Variants in ABCB5 observed in about 807,000 individuals in gnomAD.
ABCB5 encodes ATP-binding cassette sub-family B member 5.
In ABCB5, 155 loss-of-function variants were observed where a neutral mutation model predicts 144.2. That is an observed-to-expected ratio of 1.08 (90% CI 0.94 to 1.23). The LOEUF (loss-of-function observed/expected upper bound fraction) is 1.23. ABCB5 is among the 50% of genes most tolerant of loss of function. The pLI, the probability that ABCB5 is intolerant of heterozygous loss-of-function variation, is 0.00. For missense variants in ABCB5, 1,830 were observed against 1,520.8 expected (o/e 1.20, Z -3.38); for synonymous variants, 610 against 528.6 (o/e 1.15, Z -2.11).
At chr7:20,751,428 G>C (rs895922910) in intron 26 of ABCB5, among the ~76,000 whole-genome samples, 1 of 152,012 alleles carries the variant, frequency 6.6e-6, no homozygotes, top group African/African-American at 2.4e-5. Context: ...CCGAGATCGC[G>C]TCACTGCACT....
At chr7:20,722,105 C>T (rs1583451147) in intron 20 of ABCB5, among the ~76,000 whole-genome samples, 2 of 152,122 alleles carry the variant, frequency 1.3e-5, no homozygotes. Context: ...AAGATAGACT[C>T]TTTCTTTAGT....
chr7:20,740,189 G>A (rs565982329), intron 24 of ABCB5, among the ~76,000 whole-genome samples: 10 of 152,174 alleles, frequency 6.6e-5, no homozygotes, highest in East Asian at 1.9e-4. Flanking sequence ...GCAGTGAGCC[G>A]AGATCACGCC....
At chr7:20,664,999 T>A (rs1220030725) in intron 14 of ABCB5, among the ~76,000 whole-genome samples, 1 of 152,230 alleles carries the variant, frequency 6.6e-6, no homozygotes, top group Non-Finnish European at 1.5e-5. Context: ...TAATTTTATG[T>A]TATCTCTAAT....
rs981048350 is a variant in ABCB5 at position 20,711,655 on chromosome 7, T to C, written c.2421+6848T>C. Among the ~76,000 whole-genome samples, 7 of 148,558 alleles carry C rather than the reference T, an allele frequency of 4.7e-5. 1 individual carries two copies. The highest frequency in any genetic ancestry group is 1.3e-4 in the Admixed American group (2 of 14,878). On this transcript the variant is annotated intron_variant, in intron 20 of 27. Coordinates refer to ENST00000404938, the MANE Select transcript of ABCB5 (RefSeq NM_001163941.2). ...TGTTTGTAGATACAGGGTTTCACCA[T>C]GTTGCTCAAGCTAGTCTTGAACTCC...
intron 14 of ABCB5, chr7:20,659,441 G>T: frequency 9.0e-7 from 1 of 1,114,564 alleles, no homozygotes; most frequent in Non-Finnish European, 1.1e-6. Flanking sequence ...TTAAAATGCT[G>T]ACTTTATGGA....
chr7:20,709,630 T>C (rs1398259047), intron 20 of ABCB5, among the ~76,000 whole-genome samples: 3 of 149,930 alleles, frequency 2.0e-5, no homozygotes, highest in Non-Finnish European at 4.5e-5. Flanking sequence ...ACAGCAAAAC[T>C]CAACATGCTC....
At chr7:20,638,620 C>T (rs2128021477) in intron 5 of ABCB5, among the ~76,000 whole-genome samples, 1 of 152,244 alleles carries the variant, frequency 6.6e-6, no homozygotes, top group Admixed American at 6.5e-5. Flanking sequence ...ATGTAAGGTT[C>T]TTGTACCTGG....
chr7:20,748,853 T>G (rs1782818297), intron 26 of ABCB5, among the ~76,000 whole-genome samples: 1 of 151,980 alleles, frequency 6.6e-6, no homozygotes, highest in African/African-American at 2.4e-5. Context: ...AGGAAGAAAG[T>G]CGGCTTCACA....
rs774624994 is a variant in ABCB5, at chr7:20,743,088, G to T, written c.3222+14G>T. The stretch of plus-strand genomic sequence containing the variant: ...CAAGGACAAGTGGTAAGACAGAACT[G>T]AAACACACCTAATCTGGGGGTTAGC... On this transcript the variant is annotated intron_variant, in intron 25 of 27. Coordinates refer to ENST00000404938, the MANE Select transcript of ABCB5 (RefSeq NM_001163941.2). The T allele has an allele frequency of 2.0e-5, 32 of 1,612,708 alleles. No individual in the cohort carries two copies. The highest frequency in any genetic ancestry group is 2.7e-5 in the Non-Finnish European group (32 of 1,179,164).
chr7:20,748,900 C>G (rs1462204143), intron 26 of ABCB5, among the ~76,000 whole-genome samples: 1 of 152,084 alleles, frequency 6.6e-6, no homozygotes, highest in Non-Finnish European at 1.5e-5. Flanking sequence ...TTAATTCTCT[C>G]CAAGAATTAT....
intron 20 of ABCB5, among the ~76,000 whole-genome samples, chr7:20,721,468 A>G (rs1170816638): frequency 2.0e-5 from 3 of 152,352 alleles, no homozygotes; most frequent in East Asian, 1.9e-4. Flanking sequence ...AGCTCCAACT[A>G]TAATATGAGA....
intron 25 of ABCB5, among the ~76,000 whole-genome samples, chr7:20,743,415 G>A (rs563636672): frequency 5.3e-5 from 8 of 152,242 alleles, no homozygotes; most frequent in South Asian, 4.2e-4. Flanking sequence ...TTAAGACAGA[G>A]AGAACACTGT....
At chr7:20,659,826 G>A (rs528938629) in intron 14 of ABCB5, 2 of 932,708 alleles carry the variant, frequency 2.1e-6, no homozygotes, top group East Asian at 1.2e-4. Context: ...TGGGAGTACA[G>A]GCGTGCATCA....
chr7:20,666,617 GT>G, intron 14 of ABCB5: 1 of 1,094,060 alleles, frequency 9.1e-7, no homozygotes, highest in South Asian at 2.4e-5. Context: ...TCTGAAAAAT[GT>G]CAGCAAAGTG....
chr7:20,617,394 G>A (rs771175046), intron 1 of ABCB5, among the ~76,000 whole-genome samples: 15 of 152,158 alleles, frequency 9.9e-5, no homozygotes, highest in Non-Finnish European at 5.9e-5. Flanking sequence ...GATGCCAGAG[G>A]TCCTTTGACA....
chr7:20,669,355 G>A (rs1395885636), intron 14 of ABCB5, among the ~76,000 whole-genome samples: 71 of 146,780 alleles, frequency 4.8e-4, no homozygotes, highest in African/African-American at 1.7e-3. Context: ...AAGTAGACAT[G>A]GGAGACTTTT....
Position 20,651,421 on chromosome 7 carries a change from T to C in ABCB5, c.1334T>C (p.Ile445Thr). ...QRLYDPDDGFIMVDENDIRAL... is the reference protein window; with the variant it reads ...QRLYDPDDGFTMVDENDIRAL... ...ATGGTTCATTCTTTGGATTGGCAGA[T>C]CATGGTGGATGAGAATGACATCAGA... Residue 445 changes from isoleucine to threonine, a missense_variant and splice_region_variant, in exon 13 of 28, where the codon ATC becomes ACC. Coordinates refer to ENST00000404938, the MANE Select transcript of ABCB5 (RefSeq NM_001163941.2). 6.2e-7 allele frequency: 1 copy of C among 1,614,014 alleles called. No homozygotes were observed. Among genetic ancestry groups the C allele is most frequent in the Non-Finnish European group, 8.5e-7 (1 of 1,179,972 alleles).
intron 14 of ABCB5, among the ~76,000 whole-genome samples, chr7:20,674,749 T>TAAACAC (rs1554283408): frequency 7.1e-6 from 1 of 140,264 alleles, no homozygotes; most frequent in African/African-American, 2.6e-5. Context: ...CTCTAAAGAC[T>TAAACAC]ACACACACAC....
Position 20,714,770 on chromosome 7 carries a change from C to T in ABCB5, c.2422-8246C>T, listed in dbSNP as rs113949418. 3.9e-3 allele frequency among the ~76,000 whole-genome samples: 596 copies of T among 152,206 alleles called. 5 individuals carry two copies. The highest frequency in any genetic ancestry group is 0.014 in the African/African-American group (574 of 41,532). ...CAAGCAAAGATATGCAAGTACAAGC[C>T]ACTTCGTAGAAAGTTCTTGTGTCCC... On this transcript the variant is annotated intron_variant, in intron 20 of 27. Coordinates refer to ENST00000404938, the MANE Select transcript of ABCB5 (RefSeq NM_001163941.2).
Sources: allele counts gnomAD v4.1 joint callset (sites outside exome capture counted in the v4.1 genomes callset), GRCh38; gene constraint gnomAD v4.1.1; transcripts MANE v1.5; gene names NCBI Gene and HGNC (gene_info 2026-07-23, HGNC 2026-07-21).